MPP7: variants seen among roughly 807,000 people sequenced by gnomAD.
MPP7 encodes MAGUK p55 subfamily member 7.
A neutral mutation model predicts 76.5 loss-of-function variants in MPP7; 60 were observed. That is an observed-to-expected ratio of 0.78 (90% CI 0.64 to 0.97). MPP7 has a LOEUF of 0.97. Ranked by LOEUF, MPP7 falls within the 50% of genes least tolerant of loss-of-function variation. The probability of loss-of-function intolerance (pLI) is 0.00; values close to 1 mark genes in which losing one functional copy is unlikely to be tolerated. For synonymous variants in MPP7, 237 were observed against 244.5 expected, an observed-to-expected ratio of 0.97 and a Z score of 0.29; for missense variants, 641 against 694.0, an observed-to-expected ratio of 0.92 and a Z score of 0.86.
intron 2 of MPP7, among the ~76,000 whole-genome samples, chr10:28,226,195 C>A (rs1838683466): frequency 6.6e-6 from 1 of 151,748 alleles, no homozygotes; most frequent in Admixed American, 6.6e-5. Flanking sequence ...TAGACAAATT[C>A]TAGAGACAGA....
At chr10:28,195,461 A>G (rs1453573774) in intron 3 of MPP7, among the ~76,000 whole-genome samples, 4 of 152,226 alleles carry the variant, frequency 2.6e-5, no homozygotes, top group South Asian at 2.1e-4. Context: ...TAGCATCACC[A>G]TAACAGCCAA....
intron 1 of MPP7, among the ~76,000 whole-genome samples, chr10:28,277,626 T>C (rs151115161): frequency 6.6e-6 from 1 of 152,010 alleles, no homozygotes; most frequent in Non-Finnish European, 1.5e-5. Context: ...GCAAACATGA[T>C]GTTATGCAAG....
At chr10:28,276,449 A>T (rs1840500132) in intron 1 of MPP7, among the ~76,000 whole-genome samples, 1 of 152,132 alleles carries the variant, frequency 6.6e-6, no homozygotes, top group African/African-American at 2.4e-5. Context: ...TCCAGCCCAG[A>T]TGGGATTTAC....
At chr10:28,072,747 C>T (rs1190112341) in intron 12 of MPP7, among the ~76,000 whole-genome samples, 1 of 152,220 alleles carries the variant, frequency 6.6e-6, no homozygotes, top group Non-Finnish European at 1.5e-5. Context: ...TCACTAGGAG[C>T]TGATTCACTA....
intron 1 of MPP7, among the ~76,000 whole-genome samples, chr10:28,295,116 G>A (rs181904805): frequency 1.5e-4 from 23 of 152,266 alleles, no homozygotes; most frequent in African/African-American, 5.3e-4. Flanking sequence ...CAAGCCCTCC[G>A]TGTGATCCCA....
At chr10:28,103,380 C>T (rs896926517) in intron 11 of MPP7, among the ~76,000 whole-genome samples, 8 of 149,628 alleles carry the variant, frequency 5.3e-5, no homozygotes, top group African/African-American at 1.5e-4. Context: ...CACATGCTGT[C>T]GGGGCACCTG....
chr10:28,086,860 A>G (rs997684413), intron 12 of MPP7, among the ~76,000 whole-genome samples: 4 of 152,158 alleles, frequency 2.6e-5, no homozygotes, highest in African/African-American at 9.7e-5. Context: ...ACAGCGCACA[A>G]AAGGCAACAA....
chr10:28,234,850 G>A lies in MPP7; in HGVS notation c.37+3718C>T, dbSNP rs904961686. Reference sequence around the variant, plus strand: ...TTTTGAGACAGGGTCTCACTCCATCGCCCAGGCTGAAGTGCAGTGGTGTGA... The same window carrying A: ...TTTTGAGACAGGGTCTCACTCCATCACCCAGGCTGAAGTGCAGTGGTGTGA... On this transcript the variant is annotated intron_variant, in intron 2 of 16. Transcript: ENST00000683449. 4.3e-4 allele frequency among the ~76,000 whole-genome samples: 65 copies of A among 151,986 alleles called. 1 individual carries two copies. Among genetic ancestry groups the A allele is most frequent in the Admixed American group, 3.7e-3 (56 of 15,256 alleles).
rs572475814 is a variant in MPP7 at position 28,140,248 on chromosome 10, C to T, written c.315+7235G>A. On this transcript the variant is annotated intron_variant, in intron 5 of 16. Coordinates refer to ENST00000683449, the MANE Select transcript of MPP7 (RefSeq NM_001318170.2). ...AAATCAGACCAGATGCGATGGCTAC[C>T]GCCTATAATCCTAACACTTTGGTAG... 2.6e-5 allele frequency among the ~76,000 whole-genome samples: 4 copies of T among 152,286 alleles called. No homozygotes were observed. In the East Asian group the frequency reaches 5.8e-4, roughly 22 times the overall value.
chr10:28,066,262 T>C (rs2133351791), intron 13 of MPP7, among the ~76,000 whole-genome samples: 1 of 152,322 alleles, frequency 6.6e-6, no homozygotes, highest in Middle Eastern at 3.4e-3. Context: ...AGCAAGGGTT[T>C]CAGCCACCAC....
chr10:28,293,702 T>A (rs1265435316), intron 1 of MPP7, among the ~76,000 whole-genome samples: 1 of 152,020 alleles, frequency 6.6e-6, no homozygotes, highest in Non-Finnish European at 1.5e-5. Context: ...GCGTCACAGG[T>A]CCCTTCACCC....
In MPP7 at chr10:28,059,757, A is replaced by G; in HGVS notation, c.1205-14T>C. On this transcript the variant is annotated splice_polypyrimidine_tract_variant and intron_variant, in intron 13 of 16. Coordinates refer to ENST00000683449, the MANE Select transcript of MPP7 (RefSeq NM_001318170.2). ...CTCTGGTGGTATCTATGATTTAATGAAAAGGAGTTTAGAAAAGCCCACATC... is the reference window on the plus strand; with the variant it reads ...CTCTGGTGGTATCTATGATTTAATGGAAAGGAGTTTAGAAAAGCCCACATC... 6.3e-7 allele frequency: 1 copy of G among 1,586,762 alleles called. No individual in the cohort carries two copies.
At chr10:28,306,027 G>C (rs1051840086), upstream of MPP7, 24 of 152,192 alleles carry the variant, frequency 1.6e-4, no homozygotes, top group African/African-American at 5.8e-4. Context: ...CTGGAGTAGA[G>C]ATCTGTTCTA....
intron 11 of MPP7, among the ~76,000 whole-genome samples, chr10:28,092,090 A>G (rs1045620647): frequency 6.6e-6 from 1 of 152,242 alleles, no homozygotes; most frequent in African/African-American, 2.4e-5. Context: ...ATGTGAAACA[A>G]TTACCAATGA....
chr10:28,093,460 T>C (rs1853416104), intron 11 of MPP7, among the ~76,000 whole-genome samples: 1 of 149,140 alleles, frequency 6.7e-6, no homozygotes, highest in African/African-American at 2.5e-5. Flanking sequence ...TTTTTTTTTT[T>C]CTTGAGACAG....
At chr10:28,318,428 G>A (rs1277187925) in intron 2 of MPP7, among the ~76,000 whole-genome samples, 1 of 152,178 alleles carries the variant, frequency 6.6e-6, no homozygotes, top group East Asian at 1.9e-4. Context: ...GCTGACTCCT[G>A]TAATCCCAAC....
chr10:28,164,987 T>A lies in MPP7; in HGVS notation c.157-14928A>T, dbSNP rs117246378. On this transcript the variant is annotated intron_variant, in intron 3 of 16. Coordinates refer to ENST00000683449, the MANE Select transcript of MPP7 (RefSeq NM_001318170.2). Reference sequence around the variant, plus strand: ...AACAGAAACATGGGGGAATTATGAGTTAATGAATGGCTTAACACAATAATG... The same window carrying A: ...AACAGAAACATGGGGGAATTATGAGATAATGAATGGCTTAACACAATAATG... 4.7e-3 allele frequency among the ~76,000 whole-genome samples: 714 copies of A among 152,090 alleles called. 5 individuals carry two copies. The highest frequency in any genetic ancestry group is 8.4e-3 in the Non-Finnish European group (571 of 67,996).
At chr10:28,154,132 C>T (rs1835971371) in intron 3 of MPP7, among the ~76,000 whole-genome samples, 1 of 152,112 alleles carries the variant, frequency 6.6e-6, no homozygotes, top group African/African-American at 2.4e-5. Context: ...GTGGATAAAA[C>T]TCTCAAATCC....
chr10:28,147,213 TCTTAA>T (rs1294616958), intron 5 of MPP7, among the ~76,000 whole-genome samples: 1 of 152,216 alleles, frequency 6.6e-6, no homozygotes, highest in Non-Finnish European at 1.5e-5. Context: ...TATAGTGTAC[TCTTAA>T]CTTTACTTAA....
Sources: gnomAD v4.1 joint callset for allele counts (sites outside exome capture counted in the v4.1 genomes callset) on GRCh38, gnomAD v4.1.1 for gene constraint, MANE v1.5 for transcripts, NCBI Gene and HGNC (gene_info 2026-07-23, HGNC 2026-07-21) for gene names.